The following TMOD3 variants were observed in gnomAD, a reference collection of about 807,000 sequenced individuals.
TMOD3 encodes tropomodulin-3.
TMOD3 carries 20 observed loss-of-function variants against 39.2 expected under a neutral mutation model. The observed-to-expected ratio is 0.51, with a 90% CI of 0.36 to 0.74. TMOD3 has a LOEUF of 0.74. Ranked by LOEUF, TMOD3 falls within the 30% of genes least tolerant of loss-of-function variation. The pLI, the probability that TMOD3 is intolerant of heterozygous loss-of-function variation, is 0.00. For synonymous variants in TMOD3, 143 were observed against 145.8 expected, an observed-to-expected ratio of 0.98 and a Z score of 0.14; for missense variants, 381 against 412.8, an observed-to-expected ratio of 0.92 and a Z score of 0.67.
At position 51,869,272 on chromosome 15, in the gene TMOD3, C is replaced by G. The variant is rs1198520837; in HGVS notation, c.182C>G (p.Thr61Arg). 2 of 1,614,026 alleles carry G rather than the reference C, an allele frequency of 1.2e-6. No homozygotes were observed. The highest frequency in any genetic ancestry group is 1.7e-6 in the Non-Finnish European group (2 of 1,180,028). The change falls in exon 3 of 10, where the codon ACA (threonine) becomes AGA (arginine). Residue 61 changes from threonine (T) to arginine (R), a missense_variant. Transcript: ENST00000308580. ...AAGAACCAGACATCAAAGTCCACCA[C>G]AGGGCCATTTGATAGAGAGCATCTC... Reference protein sequence around the residue: ...RQKNQTSKSTTGPFDREHLLS... With the variant: ...RQKNQTSKSTRGPFDREHLLS...
At chr15:51,888,954 T>C (rs996364245) in intron 4 of TMOD3, 102 bp from the exon 5 acceptor site, 1 of 697,488 alleles carries the variant, frequency 1.4e-6, no homozygotes, top group East Asian at 3.0e-5. Context: ...CTGTAATTTA[T>C]AGGAAAAGGT....
intron 7 of TMOD3, among the ~76,000 whole-genome samples, chr15:51,899,492 C>G (rs1196289525): frequency 6.6e-6 from 1 of 151,702 alleles, no homozygotes; most frequent in Non-Finnish European, 1.5e-5. Flanking sequence ...ATGGTGAAAC[C>G]CCATCTCTAC....
chr15:51,884,348 A>G (rs969242542), intron 3 of TMOD3, among the ~76,000 whole-genome samples: 2 of 152,252 alleles, frequency 1.3e-5, no homozygotes, highest in African/African-American at 4.8e-5. Flanking sequence ...ACACATGTGC[A>G]GAATGTCTAA....
intron 6 of TMOD3, among the ~76,000 whole-genome samples, chr15:51,894,164 G>T (rs2056609421): frequency 6.6e-6 from 1 of 152,178 alleles, no homozygotes; most frequent in Non-Finnish European, 1.5e-5. Flanking sequence ...ATCTAAAAAT[G>T]TAAACCCTAC....
rs777127395 is a variant in TMOD3, at chr15:51,901,982, C to G, written c.970C>G (p.Gln324Glu). ...CCTTAAATTTGGATATCAGTTTACACAGCAGGGACCACGAACCAGAGCAGC... is the reference window on the plus strand; with the variant it reads ...CCTTAAATTTGGATATCAGTTTACAGAGCAGGGACCACGAACCAGAGCAGC... The part of the protein sequence containing the change: ...NILKFGYQFT[Q>E]QGPRTRAANA... The change falls in exon 9 of 10, where the codon CAG becomes GAG. Residue 324 changes from glutamine to glutamate, a missense_variant. Coordinates refer to ENST00000308580, the MANE Select transcript of TMOD3 (RefSeq NM_014547.5). 2.5e-6 allele frequency: 4 copies of G among 1,614,094 alleles called. No individual in the cohort carries two copies. Among genetic ancestry groups the G allele is most frequent in the Middle Eastern group, 1.6e-4 (1 of 6,062 alleles).
intron 3 of TMOD3, among the ~76,000 whole-genome samples, chr15:51,873,191 CAG>C (rs919157026): frequency 3.3e-5 from 5 of 152,216 alleles, no homozygotes; most frequent in Non-Finnish European, 7.3e-5. Context: ...AGAAGGTCCT[CAG>C]AGTAATTCAT....
intron 1 of TMOD3, among the ~76,000 whole-genome samples, chr15:51,844,720 G>C (rs1248297945): frequency 6.6e-6 from 1 of 152,116 alleles, no homozygotes; most frequent in African/African-American, 2.4e-5. Flanking sequence ...TAATTCCTAT[G>C]ATTTATGATT....
At chr15:51,830,434 A>G (rs1247511442) in intron 1 of TMOD3, among the ~76,000 whole-genome samples, 3 of 152,122 alleles carry the variant, frequency 2.0e-5, no homozygotes, top group Admixed American at 6.5e-5. Context: ...CTGTGTCGTT[A>G]TATTTTTGCT....
intron 1 of TMOD3, among the ~76,000 whole-genome samples, chr15:51,830,488 A>G (rs12907227): frequency 7.1e-4 from 108 of 152,212 alleles, no homozygotes; most frequent in Non-Finnish European, 1.2e-3. Flanking sequence ...CATTCTGATT[A>G]CAAACAGAAA....
chr15:51,853,888 G>C (rs1444596329), intron 1 of TMOD3, among the ~76,000 whole-genome samples: 2 of 152,038 alleles, frequency 1.3e-5, no homozygotes, highest in African/African-American at 4.8e-5. Context: ...TTTCAGGGAA[G>C]ATAGGACATT....
intron 1 of TMOD3, chr15:51,859,999 C>T (rs2056408902): frequency 1.8e-6 from 1 of 543,236 alleles, no homozygotes; most frequent in African/African-American, 1.9e-5. Context: ...TGATATAACA[C>T]TTCCACATGG....
At chr15:51,851,510 T>A (rs2056361836) in intron 1 of TMOD3, among the ~76,000 whole-genome samples, 1 of 152,236 alleles carries the variant, frequency 6.6e-6, no homozygotes, top group Non-Finnish European at 1.5e-5. Flanking sequence ...TGGTTGATTT[T>A]GTTTAGTTAG....
chr15:51,857,019 A>G (rs1270826742), intron 1 of TMOD3, among the ~76,000 whole-genome samples: 2 of 152,236 alleles, frequency 1.3e-5, no homozygotes. Flanking sequence ...TAAGCAACTT[A>G]AATGTTCATT....
chr15:51,858,592 A>G (rs1281047754), intron 1 of TMOD3, among the ~76,000 whole-genome samples: 2 of 152,100 alleles, frequency 1.3e-5, no homozygotes, highest in African/African-American at 4.8e-5. Flanking sequence ...CTGTGATTAC[A>G]GGATGTTTTT....
intron 5 of TMOD3, among the ~76,000 whole-genome samples, chr15:51,891,260 T>TTTTTTTC (rs1555387924): frequency 6.6e-6 from 1 of 150,684 alleles, no homozygotes; most frequent in Non-Finnish European, 1.5e-5. Flanking sequence ...TTTTTTTTTT[T>TTTTTTTC]CTGTGCCATT....
chr15:51,866,581 G>A (rs980960971), intron 2 of TMOD3, among the ~76,000 whole-genome samples: 6 of 152,188 alleles, frequency 3.9e-5, no homozygotes, highest in African/African-American at 1.4e-4. Flanking sequence ...GACTGTGTGT[G>A]TCACATGGGC....
chr15:51,884,310 A>G (rs187943632), intron 3 of TMOD3, among the ~76,000 whole-genome samples: 1 of 152,374 alleles, frequency 6.6e-6, no homozygotes, highest in East Asian at 1.9e-4. Flanking sequence ...AACATAGAGC[A>G]TCCCCTTGAA....
At chr15:51,849,296 T>C (rs2141674577) in intron 1 of TMOD3, among the ~76,000 whole-genome samples, 1 of 151,998 alleles carries the variant, frequency 6.6e-6, no homozygotes, top group Middle Eastern at 3.4e-3. Flanking sequence ...AAATTAGGAG[T>C]CTGTTTTGTA....
chr15:51,884,100 C>T (rs770292971), intron 3 of TMOD3, among the ~76,000 whole-genome samples: 13 of 152,178 alleles, frequency 8.5e-5, no homozygotes, highest in Non-Finnish European at 1.8e-4. Flanking sequence ...CACCAGTTAA[C>T]TGGAAAAAAC....
Sources: gnomAD v4.1 joint callset for allele counts (sites outside exome capture counted in the v4.1 genomes callset) on GRCh38, gnomAD v4.1.1 for gene constraint, MANE v1.5 for transcripts, NCBI Gene and HGNC (gene_info 2026-07-23, HGNC 2026-07-21) for gene names.